The following MAGI2 variants were observed in gnomAD, a reference collection of about 807,000 sequenced individuals.
MAGI2 encodes the protein membrane-associated guanylate kinase, WW and PDZ domain-containing protein 2.
A neutral mutation model predicts 133.3 loss-of-function variants in MAGI2; 35 were observed. That is an observed-to-expected ratio of 0.26 (90% CI 0.20 to 0.35). MAGI2 has a LOEUF of 0.35. Ranked by LOEUF, MAGI2 falls within the 10% of genes least tolerant of loss-of-function variation. MAGI2 has a pLI of 1.00. For synonymous variants in MAGI2, 729 were observed against 710.6 expected, an observed-to-expected ratio of 1.03 and a Z score of -0.41; for missense variants, 1,636 against 1,863.4, an observed-to-expected ratio of 0.88 and a Z score of 2.25.
At chr7:79,009,040 G>A (rs533699301) in intron 1 of MAGI2, 1 of 151,822 alleles carries the variant, frequency 6.6e-6, no homozygotes, top group Admixed American at 6.6e-5. Context: ...AATCTAATAT[G>A]TGGGACATAC....
intron 1 of MAGI2, among the ~76,000 whole-genome samples, chr7:79,189,692 T>C (rs942187516): frequency 9.9e-5 from 15 of 151,814 alleles, no homozygotes; most frequent in African/African-American, 3.6e-4. Flanking sequence ...TCTACGGATT[T>C]TGACAAATGT....
chr7:78,770,652 A>G (rs1825493706), intron 2 of MAGI2, among the ~76,000 whole-genome samples: 1 of 152,218 alleles, frequency 6.6e-6, no homozygotes, highest in African/African-American at 2.4e-5. Flanking sequence ...GTATTAAACA[A>G]AAGCTCCGCA....
Position 78,018,153 on chromosome 7 carries a change from G to A in MAGI2, c.*1162C>T, listed in dbSNP as rs1338531520. The A allele has an allele frequency of 1.3e-5, 2 of 152,214 alleles. No homozygotes were observed. Among genetic ancestry groups the A allele is most frequent in the Non-Finnish European group, 2.9e-5 (2 of 68,000 alleles). The allele number at this position is 152,214 out of a possible 1,614,324, so 9.4% of individuals were successfully genotyped here. A position where few individuals can be genotyped will look rare whatever the true frequency, so the allele number is the denominator to read the frequency against. On this transcript the variant is annotated 3_prime_UTR_variant, in exon 22 of 22. Transcript: ENST00000354212. The stretch of plus-strand genomic sequence containing the variant: ...AATAAAGTGGCAAGGAATACAAGAC[G>A]AAAGAAAACTAATGGAAACAAAAGG...
chr7:78,488,466 T>C (rs993508494), intron 6 of MAGI2, among the ~76,000 whole-genome samples: 7 of 152,020 alleles, frequency 4.6e-5, no homozygotes, highest in Non-Finnish European at 2.9e-5. Flanking sequence ...ATATTAAGGT[T>C]TTACAACTGT....
At chr7:78,185,750 A>G (rs1827629775) in intron 12 of MAGI2, 80 bp from the exon 13 acceptor site, 1 of 1,116,938 alleles carries the variant, frequency 9.0e-7, no homozygotes, top group Non-Finnish European at 1.3e-6. Flanking sequence ...TTTTGTTGCT[A>G]TCATAACTCC....
At position 78,211,361 on chromosome 7, in the gene MAGI2, A is replaced by G. The variant is rs550484006; in HGVS notation, c.2048-10168T>C. ...AGGCAAAGATAGAAACAGGAACACA[A>G]TTTCTGAGGTGGTGGAGTGAGAGTT... On this transcript the variant is annotated intron_variant, in intron 10 of 21. Transcript: ENST00000354212. Among the ~76,000 whole-genome samples, 30 of 152,330 alleles carry G rather than the reference A, an allele frequency of 2.0e-4. No individual in the cohort carries two copies. The South Asian group carries it at 5.4e-3, about 27-fold the overall frequency.
intron 1 of MAGI2, among the ~76,000 whole-genome samples, chr7:79,104,765 G>A (rs1290106561): frequency 6.6e-6 from 1 of 152,152 alleles, no homozygotes; most frequent in Non-Finnish European, 1.5e-5. Flanking sequence ...GGTTATGAGA[G>A]AATGAGGAAA....
chr7:78,557,097 A>AAAAAAAAAAG (rs1554473311), intron 3 of MAGI2, among the ~76,000 whole-genome samples: 31 of 138,984 alleles, frequency 2.2e-4, no homozygotes, highest in South Asian at 2.0e-3. Context: ...AAAAAAAAAA[A>AAAAAAAAAAG]AAAGAAAAAG....
At chr7:79,262,176 GC>G (rs1834136291) in intron 1 of MAGI2, among the ~76,000 whole-genome samples, 1 of 151,934 alleles carries the variant, frequency 6.6e-6, no homozygotes, top group Non-Finnish European at 1.5e-5. Context: ...TTTCTACTTT[GC>G]CCTTCCTTCT....
At chr7:78,231,753 A>G (rs1369785570) in intron 10 of MAGI2, among the ~76,000 whole-genome samples, 2 of 152,172 alleles carry the variant, frequency 1.3e-5, no homozygotes, top group East Asian at 1.9e-4. Context: ...GTTGGACACA[A>G]AGGGAAGTCT....
chr7:78,474,693 C>A (rs1791564672), intron 6 of MAGI2, among the ~76,000 whole-genome samples: 1 of 151,868 alleles, frequency 6.6e-6, no homozygotes, highest in Non-Finnish European at 1.5e-5. Flanking sequence ...TCAACCCATA[C>A]ATATACTAAT....
At chr7:78,993,283 T>G (rs2116357862) in intron 2 of MAGI2, among the ~76,000 whole-genome samples, 1 of 152,218 alleles carries the variant, frequency 6.6e-6, no homozygotes, top group South Asian at 2.1e-4. Flanking sequence ...ACTGTAAATC[T>G]TTTAAATAAA....
At chr7:79,411,682 C>A (rs1364686986) in intron 1 of MAGI2, 1 of 152,030 alleles carries the variant, frequency 6.6e-6, no homozygotes, top group Non-Finnish European at 1.5e-5. Flanking sequence ...TTTGTTACAG[C>A]AGCATTACAA....
chr7:78,395,650 A>T (rs183237686), intron 6 of MAGI2, among the ~76,000 whole-genome samples: 1 of 152,334 alleles, frequency 6.6e-6, no homozygotes, highest in Admixed American at 6.5e-5. Context: ...TATAATTTCA[A>T]CTTTGAATTA....
In MAGI2 at chr7:78,040,251, G is replaced by A. The variant is rs188835617; in HGVS notation, c.3707-20275C>T. Among the ~76,000 whole-genome samples the A allele has an allele frequency of 1.9e-3, 287 of 152,344 alleles. 1 individual carries two copies. Among genetic ancestry groups the A allele is most frequent in the Middle Eastern group, 6.8e-3 (2 of 294 alleles). On this transcript the variant is annotated intron_variant, in intron 21 of 21. Transcript: ENST00000354212. ...CCAAAGGGAAATGCCAGGAGGGTAA[G>A]CGACTTCCTTTGGATCACCTTGCAG...
At chr7:78,726,916 T>TG (rs1156732571) in intron 2 of MAGI2, among the ~76,000 whole-genome samples, 3 of 149,980 alleles carry the variant, frequency 2.0e-5, no homozygotes, top group Non-Finnish European at 3.0e-5. Flanking sequence ...CTCAGATGCA[T>TG]GGGTTTTTTT....
At chr7:78,782,379 GAGTC>G (rs1471589570) in intron 2 of MAGI2, among the ~76,000 whole-genome samples, 1 of 152,160 alleles carries the variant, frequency 6.6e-6, no homozygotes, top group Admixed American at 6.5e-5. Flanking sequence ...AGTAGGCCGA[GAGTC>G]AGTGCGGGGC....
At chr7:79,362,700 T>C (rs1459722788) in intron 1 of MAGI2, among the ~76,000 whole-genome samples, 2 of 151,972 alleles carry the variant, frequency 1.3e-5, no homozygotes, top group Non-Finnish European at 2.9e-5. Flanking sequence ...ATCATATCAA[T>C]GAATGCAGAT....
intron 21 of MAGI2, 134 bp downstream of exon 21, chr7:78,078,813 T>C (rs950036758): frequency 1.6e-6 from 1 of 623,238 alleles, no homozygotes; most frequent in Non-Finnish European, 2.7e-6. Context: ...TGTGTGTGTG[T>C]ATATATATAC....
Sources: gnomAD v4.1 joint callset for allele counts (sites outside exome capture counted in the v4.1 genomes callset) on GRCh38, gnomAD v4.1.1 for gene constraint, MANE v1.5 for transcripts, NCBI Gene and HGNC (gene_info 2026-07-23, HGNC 2026-07-21) for gene names.